SDK1: variants seen among roughly 807,000 people sequenced by gnomAD.
The protein encoded by SDK1 is sidekick cell adhesion molecule 1.
In SDK1, 157 loss-of-function variants were observed where a neutral mutation model predicts 245.5. The ratio of observed to expected loss-of-function variants is 0.64; its 90% CI spans 0.56 to 0.73. The LOEUF is 0.73. SDK1 is among the 30% of genes least tolerant of loss of function. The probability of loss-of-function intolerance (pLI) is 0.00; values close to 1 mark genes in which losing one functional copy is unlikely to be tolerated. For synonymous variants in SDK1, 1,647 were observed against 1,278.5 expected (o/e 1.29, Z -6.15); for missense variants, 3,583 against 3,002.3 (o/e 1.19, Z -4.52).
intron 1 of SDK1, among the ~76,000 whole-genome samples, chr7:3,593,429 T>A (rs1780951523): frequency 6.6e-6 from 1 of 152,190 alleles, no homozygotes; most frequent in South Asian, 2.1e-4. Flanking sequence ...CTAGCTTTAC[T>A]CAAAGACCTT....
chr7:3,614,204 A>T (rs751713060), intron 1 of SDK1, among the ~76,000 whole-genome samples: 3 of 152,174 alleles, frequency 2.0e-5, no homozygotes, highest in African/African-American at 7.2e-5. Context: ...AACCTATATT[A>T]TCCACACAGA....
chr7:3,869,447 C>T (rs1366800660), intron 5 of SDK1, among the ~76,000 whole-genome samples: 6 of 152,086 alleles, frequency 3.9e-5, no homozygotes, highest in African/African-American at 7.2e-5. Context: ...TGAGCCACCA[C>T]GCCTGGCCTG....
intron 1 of SDK1, among the ~76,000 whole-genome samples, chr7:3,589,060 C>A (rs999191373): frequency 6.6e-6 from 1 of 152,218 alleles, no homozygotes; most frequent in Non-Finnish European, 1.5e-5. Context: ...AGCTGTTTTA[C>A]GGACATCAAG....
chr7:3,951,083 G>A (rs1293144954), intron 6 of SDK1, 49 bp downstream of exon 6: 1 of 1,336,360 alleles, frequency 7.5e-7, no homozygotes, highest in Admixed American at 1.7e-5. Flanking sequence ...TCCATGACCT[G>A]TGACGAGCCG....
intron 5 of SDK1, among the ~76,000 whole-genome samples, chr7:3,890,826 C>T (rs1326876232): frequency 6.6e-6 from 1 of 152,112 alleles, no homozygotes. Context: ...CCTGTAGTCC[C>T]ACTTACTTGG....
In SDK1 at chr7:3,672,787, AT is replaced by A. The variant is rs1562646767; in HGVS notation, c.713+30683del. ...TATATATATATATATATATATATAT[AT>A]ATATATAAAAAATACAGAAAGCTCT... is the stretch of plus-strand genomic sequence containing the variant. On this transcript the variant is annotated intron_variant, in intron 4 of 44. Coordinates refer to ENST00000404826, the MANE Select transcript of SDK1 (RefSeq NM_152744.4). Among the ~76,000 whole-genome samples, 544 of 106,756 alleles carry A rather than the reference AT, an allele frequency of 5.1e-3. 14 individuals are homozygous for A. The highest frequency in any genetic ancestry group is 8.1e-3 in the Non-Finnish European group (423 of 52,420). 70.0% of individuals were successfully genotyped at this position (106,756 alleles called of 152,430 possible). A position where few individuals can be genotyped will look rare whatever the true frequency, so the allele number is the denominator to read the frequency against.
At chr7:3,864,083 G>A (rs1016402039) in intron 5 of SDK1, among the ~76,000 whole-genome samples, 2 of 151,978 alleles carry the variant, frequency 1.3e-5, no homozygotes, top group Non-Finnish European at 2.9e-5. Flanking sequence ...TCATATCCTT[G>A]CCAGCACTTA....
chr7:3,864,892 G>A (rs917239324), intron 5 of SDK1, among the ~76,000 whole-genome samples: 1 of 152,170 alleles, frequency 6.6e-6, no homozygotes, highest in Non-Finnish European at 1.5e-5. Context: ...CCACAAAGAA[G>A]AAAACAGATG....
At chr7:3,336,957 C>T (rs990064444) in intron 1 of SDK1, among the ~76,000 whole-genome samples, 4 of 152,098 alleles carry the variant, frequency 2.6e-5, no homozygotes, top group African/African-American at 9.7e-5. Flanking sequence ...GGAAGCTGCC[C>T]ACTAAAAGAT....
At chr7:3,876,080 C>G (rs1201607551) in intron 5 of SDK1, among the ~76,000 whole-genome samples, 1 of 152,176 alleles carries the variant, frequency 6.6e-6, no homozygotes, top group African/African-American at 2.4e-5. Flanking sequence ...TGCAGGTGCT[C>G]TGGCCAGAAC....
At chr7:3,767,322 G>A (rs1047899115) in intron 4 of SDK1, among the ~76,000 whole-genome samples, 9 of 152,064 alleles carry the variant, frequency 5.9e-5, no homozygotes, top group South Asian at 2.1e-4. Flanking sequence ...TTGAAATTGT[G>A]TCTAAGGGGA....
chr7:4,265,330 C>T lies in SDK1; in HGVS notation c.6588C>T (p.Thr2196=), dbSNP rs770803179. The T allele has an allele frequency of 1.4e-6, 2 of 1,479,418 alleles. No individual in the cohort carries two copies. The highest frequency in any genetic ancestry group is 1.8e-6 in the Non-Finnish European group (2 of 1,128,734). 91.6% of individuals were successfully genotyped at this position (1,479,418 alleles called of 1,614,324 possible). The change falls in exon 45 of 45, where the codon ACC becomes ACT. Residue 2196 remains threonine (T), a synonymous_variant. Coordinates refer to ENST00000404826, the MANE Select transcript of SDK1 (RefSeq NM_152744.4). ...ITTQSAGGVY[T]PAGPGARTPL... ...CGCAGAGCGCGGGCGGCGTCTACAC[C>T]CCCGCTGGCCCCGGCGCGCGAACTC...
At chr7:3,748,358 A>G (rs1262169588) in intron 4 of SDK1, among the ~76,000 whole-genome samples, 1 of 152,328 alleles carries the variant, frequency 6.6e-6, no homozygotes, top group Non-Finnish European at 1.5e-5. Flanking sequence ...AAATTGTACT[A>G]TTTGAGAAAA....
chr7:3,499,817 TTAGCATAGTCC>T (rs1197457918), intron 1 of SDK1, among the ~76,000 whole-genome samples: 1 of 152,206 alleles, frequency 6.6e-6, no homozygotes, highest in Non-Finnish European at 1.5e-5. Flanking sequence ...AACACAGGGC[TTAGCATAGTCC>T]GAACAACTAA....
chr7:3,671,821 T>G (rs1454537541), intron 4 of SDK1, among the ~76,000 whole-genome samples: 1 of 152,204 alleles, frequency 6.6e-6, no homozygotes, highest in Admixed American at 6.5e-5. Flanking sequence ...GTGGGAAATC[T>G]TTGAAACCAT....
intron 1 of SDK1, among the ~76,000 whole-genome samples, chr7:3,582,779 T>TA (rs1240500585): frequency 7.1e-6 from 1 of 140,126 alleles, no homozygotes; most frequent in Non-Finnish European, 1.5e-5. Context: ...ATAAAGGAAA[T>TA]AGAGTTCCCT....
chr7:3,849,424 GT>G (rs1780365378), intron 5 of SDK1, among the ~76,000 whole-genome samples: 1 of 152,212 alleles, frequency 6.6e-6, no homozygotes, highest in Admixed American at 6.5e-5. Flanking sequence ...AATTTGTATA[GT>G]TTCTAATGGC....
chr7:3,815,543 A>G (rs1421863185), intron 4 of SDK1, among the ~76,000 whole-genome samples: 1 of 148,986 alleles, frequency 6.7e-6, no homozygotes, highest in Non-Finnish European at 1.5e-5. Flanking sequence ...TTTTTGCATC[A>G]ATGTTCATCA....
intron 6 of SDK1, 128 bp from the exon 7 acceptor site, chr7:3,951,602 C>T (rs1385191536): frequency 2.2e-5 from 16 of 728,142 alleles, no homozygotes; most frequent in African/African-American, 5.3e-5. Flanking sequence ...TTTCAGTGTC[C>T]GTTGTTCAAC....
Sources: allele counts gnomAD v4.1 joint callset (sites outside exome capture counted in the v4.1 genomes callset), GRCh38; gene constraint gnomAD v4.1.1; transcripts MANE v1.5; gene names NCBI Gene and HGNC (gene_info 2026-07-23, HGNC 2026-07-21).